ATP11A: variants seen among roughly 807,000 people sequenced by gnomAD.
The protein encoded by ATP11A is phospholipid-transporting ATPase IH.
In ATP11A, 81 loss-of-function variants were observed where a neutral mutation model predicts 154.4. That is an observed-to-expected ratio of 0.52 (90% CI 0.44 to 0.63). ATP11A has a LOEUF of 0.63. Ranked by LOEUF, ATP11A falls within the 30% of genes least tolerant of loss-of-function variation. The probability of loss-of-function intolerance (pLI) is 0.00; values close to 1 mark genes in which losing one functional copy is unlikely to be tolerated. For synonymous variants in ATP11A, 623 were observed against 585.9 expected, an observed-to-expected ratio of 1.06 and a Z score of -0.91; for missense variants, 1,316 against 1,474.3, an observed-to-expected ratio of 0.89 and a Z score of 1.76.
chr13:112,721,328 A>G (rs774188937), intron 1 of ATP11A, among the ~76,000 whole-genome samples: 24 of 152,210 alleles, frequency 1.6e-4, no homozygotes, highest in Non-Finnish European at 2.8e-4. Flanking sequence ...TAGATCACAA[A>G]TGTTACGGGA....
intron 1 of ATP11A, among the ~76,000 whole-genome samples, chr13:112,756,894 G>A (rs1005429783): frequency 6.6e-6 from 1 of 152,138 alleles, no homozygotes; most frequent in South Asian, 2.1e-4. Flanking sequence ...CACGGGGCCT[G>A]CTCCCAGCGC....
chr13:112,736,973 A>G (rs909875985), intron 1 of ATP11A, among the ~76,000 whole-genome samples: 8 of 152,168 alleles, frequency 5.3e-5, no homozygotes, highest in Admixed American at 2.0e-4. Context: ...GGAGCATTCA[A>G]AACCATTTCA....
Position 112,838,833 on chromosome 13 carries a change from T to G in ATP11A, c.1705+2582T>G, listed in dbSNP as rs2079311794. ...TACTTTTAAGAGAAGTTTGAATATG[T>G]AATTAAGCAAGGTGTTCTGTAAGTA... On this transcript the variant is annotated intron_variant, in intron 16 of 29. Transcript: ENST00000375645. The surrounding 1 kb of genome is among the most constrained non-coding windows in gnomAD (Gnocchi z 7.3). 6.6e-6 allele frequency among the ~76,000 whole-genome samples: 1 copy of G among 152,160 alleles called. No homozygotes were observed. The highest frequency in any genetic ancestry group is 2.1e-4 in the South Asian group (1 of 4,828).
rs2080899972 is a variant in ATP11A, at chr13:112,882,050, G to A, written c.*184G>A. On this transcript the variant is annotated 3_prime_UTR_variant, in exon 30 of 30. Coordinates refer to ENST00000375645, the MANE Select transcript of ATP11A (RefSeq NM_015205.3). The surrounding 1 kb of genome is among the most constrained non-coding windows in gnomAD (Gnocchi z 5.1). ...TCACAGCTGCCCTAGGTCCCGTGTG[G>A]GAATGCTCGTGTGATGGATGGTCCT... 7.3e-7 allele frequency: 1 copy of A among 1,367,706 alleles called. No individual in the cohort carries two copies. The highest frequency in any genetic ancestry group is 9.8e-7 in the Non-Finnish European group (1 of 1,021,972). The allele number at this position is 1,367,706 out of a possible 1,614,324, so 84.7% of individuals were successfully genotyped here. A position where few individuals can be genotyped will look rare whatever the true frequency, so the allele number is the denominator to read the frequency against.
chr13:112,744,603 C>G (rs535380859), intron 1 of ATP11A, among the ~76,000 whole-genome samples: 1 of 152,220 alleles, frequency 6.6e-6, no homozygotes, highest in Admixed American at 6.5e-5. Flanking sequence ...ACGGGTGAGC[C>G]GCTGCACTTC....
At chr13:112,743,771 C>T (rs1203548766) in intron 1 of ATP11A, among the ~76,000 whole-genome samples, 2 of 152,220 alleles carry the variant, frequency 1.3e-5, no homozygotes, top group Non-Finnish European at 2.9e-5. Flanking sequence ...TATACAGCTT[C>T]AGGAAAAGAG....
At chr13:112,698,249 G>A (rs1232397909) in intron 1 of ATP11A, among the ~76,000 whole-genome samples, 6 of 150,584 alleles carry the variant, frequency 4.0e-5, no homozygotes, top group East Asian at 3.9e-4. Context: ...GGGGAGGGTC[G>A]GTGCTCTCCA....
chr13:112,880,945 G>A lies in ATP11A; in HGVS notation c.*10-931G>A, dbSNP rs374754566. ...CACAGGCTCACGATCCTGGTCTTTC[G>A]GGGGACACAGCTTCACTTAAAAGGC... On this transcript the variant is annotated intron_variant, in intron 29 of 29. Transcript: ENST00000375645. The A allele has an allele frequency of 2.0e-3, 1,983 of 992,384 alleles. 3 individuals carry two copies. The highest frequency in any genetic ancestry group is 5.4e-3 in the East Asian group (48 of 8,932). The allele number at this position is 992,384 out of a possible 1,614,324, so 61.5% of individuals were successfully genotyped here. A position where few individuals can be genotyped will look rare whatever the true frequency, so the allele number is the denominator to read the frequency against.
chr13:112,797,133 A>G (rs1323097440), intron 2 of ATP11A, among the ~76,000 whole-genome samples: 3 of 151,968 alleles, frequency 2.0e-5, no homozygotes, highest in Admixed American at 6.6e-5. Flanking sequence ...TTTTAAAAAA[A>G]TTAGCCAGGT....
At chr13:112,816,268 G>T in intron 6 of ATP11A, 57 bp downstream of exon 6, 2 of 1,603,224 alleles carry the variant, frequency 1.2e-6, no homozygotes, top group Non-Finnish European at 1.7e-6. Context: ...GCTTCGGACT[G>T]TGCCCATGCG....
intron 1 of ATP11A, among the ~76,000 whole-genome samples, chr13:112,740,969 T>A (rs1891483936): frequency 6.6e-6 from 1 of 152,200 alleles, no homozygotes; most frequent in Non-Finnish European, 1.5e-5. Flanking sequence ...AATAGTGCGT[T>A]TTCAGAATTT....
At chr13:112,881,511 C>T (rs1308950909) in intron 29 of ATP11A, 1 of 1,120,714 alleles carries the variant, frequency 8.9e-7, no homozygotes, top group Non-Finnish European at 1.1e-6. Flanking sequence ...GTTTCCCGTC[C>T]ATGGCCTGTA....
Position 112,883,437 on chromosome 13 carries a change from G to A in ATP11A, c.*1571G>A, listed in dbSNP as rs1031563150. 5.3e-5 allele frequency: 20 copies of A among 376,918 alleles called. No individual in the cohort carries two copies. The highest frequency in any genetic ancestry group is 1.4e-4 in the Admixed American group (3 of 22,014). 23.3% of individuals were successfully genotyped at this position (376,918 alleles called of 1,614,324 possible). On this transcript the variant is annotated 3_prime_UTR_variant, in exon 30 of 30. Transcript: ENST00000375645. Reference sequence around the variant, plus strand: ...GGAGGAGGAGCCGGCCCTCACGCCCGCCCCGCGCCACGCTGTGGAACGGGG... The same window carrying A: ...GGAGGAGGAGCCGGCCCTCACGCCCACCCCGCGCCACGCTGTGGAACGGGG...
At chr13:112,763,218 C>T (rs183035502) in intron 1 of ATP11A, among the ~76,000 whole-genome samples, 120 of 152,232 alleles carry the variant, frequency 7.9e-4, no homozygotes, top group African/African-American at 2.9e-3. Flanking sequence ...AATTCTAAGC[C>T]CCCAACCAAC....
intron 1 of ATP11A, among the ~76,000 whole-genome samples, chr13:112,768,628 G>A (rs574367669): frequency 5.4e-4 from 83 of 152,314 alleles, no homozygotes; most frequent in Non-Finnish European, 1.1e-3. Context: ...TATAATTTCC[G>A]TTGCTTAAAA....
intron 1 of ATP11A, among the ~76,000 whole-genome samples, chr13:112,778,814 C>T (rs1344538842): frequency 1.4e-5 from 1 of 72,034 alleles, no homozygotes; most frequent in African/African-American, 5.8e-5. Context: ...AGTGAGTAGC[C>T]GCTGGAGTGA....
At chr13:112,756,036 G>T (rs1245986367) in intron 1 of ATP11A, among the ~76,000 whole-genome samples, 1 of 149,004 alleles carries the variant, frequency 6.7e-6, no homozygotes, top group Non-Finnish European at 1.5e-5. Flanking sequence ...AACCATTTCC[G>T]GTCACGGAAG....
At chr13:112,719,067 G>A (rs1219885919) in intron 1 of ATP11A, among the ~76,000 whole-genome samples, 2 of 152,166 alleles carry the variant, frequency 1.3e-5, no homozygotes, top group African/African-American at 4.8e-5. Flanking sequence ...TGAAAGTCCG[G>A]CTTATTTGAA....
At chr13:112,756,541 A>G (rs1168701428) in intron 1 of ATP11A, among the ~76,000 whole-genome samples, 1 of 152,136 alleles carries the variant, frequency 6.6e-6, no homozygotes, top group Non-Finnish European at 1.5e-5. Flanking sequence ...CTTACCTCCC[A>G]GGGTCTAGCG....
Sources: gnomAD v4.1 joint callset for allele counts (sites outside exome capture counted in the v4.1 genomes callset) on GRCh38, gnomAD v4.1.1 for gene constraint, Gnocchi (gnomAD v3.1) non-coding constraint, MANE v1.5 for transcripts, NCBI Gene and HGNC (gene_info 2026-07-23, HGNC 2026-07-21) for gene names.